PLCB4: variants seen among roughly 807,000 people sequenced by gnomAD.
PLCB4 encodes the protein phospholipase C beta 4, also known as 1-phosphatidylinositol 4,5-bisphosphate phosphodiesterase beta-4.
Under a neutral mutation model 178.8 loss-of-function variants are expected in PLCB4, and 77 were observed. That is an observed-to-expected ratio of 0.43 (90% CI 0.36 to 0.52). The LOEUF is 0.52. Among genes scored for constraint, PLCB4 ranks in the 20% least tolerant of loss-of-function variants. The pLI is 0.00. For missense variants in PLCB4, 1,024 were observed against 1,453.4 expected (o/e 0.70, Z 4.80); for synonymous variants, 496 against 490.8 (o/e 1.01, Z -0.14).
chr20:9,428,431 T>C (rs1414388911), intron 28 of PLCB4, among the ~76,000 whole-genome samples: 1 of 152,164 alleles, frequency 6.6e-6, no homozygotes, highest in Admixed American at 6.5e-5. Context: ...AACAGGCTTA[T>C]CTATTGCATG....
chr20:9,325,003 T>C (rs2030215444), intron 4 of PLCB4, among the ~76,000 whole-genome samples: 1 of 152,254 alleles, frequency 6.6e-6, no homozygotes. Flanking sequence ...ATCAATAGTT[T>C]AAAATATTTT....
chr20:9,373,927 TAA>T (rs1183018152), intron 12 of PLCB4, among the ~76,000 whole-genome samples: 4 of 152,162 alleles, frequency 2.6e-5, no homozygotes, highest in Non-Finnish European at 5.9e-5. Context: ...TCTAACACAT[TAA>T]TAAGAGTTTG....
At chr20:9,397,941 G>A (rs892621414) in intron 19 of PLCB4, among the ~76,000 whole-genome samples, 5 of 152,150 alleles carry the variant, frequency 3.3e-5, no homozygotes, top group Non-Finnish European at 2.9e-5. Context: ...TGACATCTGG[G>A]GCTGACTGGT....
At chr20:9,094,009 G>A (rs977354886) in intron 1 of PLCB4, among the ~76,000 whole-genome samples, 1 of 152,024 alleles carries the variant, frequency 6.6e-6, no homozygotes, top group African/African-American at 2.4e-5. Flanking sequence ...ATTTATATCT[G>A]TGGCCCCAAA....
chr20:9,469,055 C>T (rs1307801808), intron 36 of PLCB4, among the ~76,000 whole-genome samples: 1 of 151,672 alleles, frequency 6.6e-6, no homozygotes, highest in African/African-American at 2.4e-5. Flanking sequence ...ACAATCTCAG[C>T]TCACTGCAAC....
intron 4 of PLCB4, among the ~76,000 whole-genome samples, chr20:9,324,508 A>T (rs2030080480): frequency 6.6e-6 from 1 of 152,216 alleles, no homozygotes; most frequent in East Asian, 1.9e-4. Context: ...GGGAAATAAT[A>T]TGAAAAATAC....
chr20:9,463,201 C>A (rs867361461), intron 35 of PLCB4, among the ~76,000 whole-genome samples: 1 of 152,146 alleles, frequency 6.6e-6, no homozygotes, highest in Admixed American at 6.5e-5. Flanking sequence ...AAATCCTTTA[C>A]AGGCAAGCAA....
At chr20:9,227,386 T>C (rs2093880164) in intron 3 of PLCB4, among the ~76,000 whole-genome samples, 1 of 152,174 alleles carries the variant, frequency 6.6e-6, no homozygotes, top group African/African-American at 2.4e-5. Flanking sequence ...TTTGTTGTTA[T>C]ATTTAAGAAT....
At chr20:9,213,116 T>G (rs896111423) in intron 2 of PLCB4, among the ~76,000 whole-genome samples, 1 of 133,350 alleles carries the variant, frequency 7.5e-6, no homozygotes, top group Admixed American at 7.3e-5. Context: ...TTGGCTTCTC[T>G]CCGTTAGCAT....
At chr20:9,428,029 A>G (rs1470739159) in intron 28 of PLCB4, among the ~76,000 whole-genome samples, 2 of 152,134 alleles carry the variant, frequency 1.3e-5, no homozygotes, top group Non-Finnish European at 2.9e-5. Flanking sequence ...CTTCCCTATG[A>G]TTAAAAATAC....
At chr20:9,175,464 G>A (rs954877119) in intron 2 of PLCB4, among the ~76,000 whole-genome samples, 2 of 152,094 alleles carry the variant, frequency 1.3e-5, no homozygotes, top group Non-Finnish European at 2.9e-5. Context: ...TTTCACCATG[G>A]AAAGAATAAT....
At chr20:9,260,203 A>C (rs780698114) in intron 3 of PLCB4, among the ~76,000 whole-genome samples, 35 of 152,156 alleles carry the variant, frequency 2.3e-4, no homozygotes, top group Non-Finnish European at 4.4e-4. Context: ...GAGGAATACT[A>C]TGACAACAAA....
Position 9,372,217 on chromosome 20 carries a change from T to C in PLCB4, c.586-86T>C, listed in dbSNP as rs561177679. 12 of 744,168 alleles carry C rather than the reference T, an allele frequency of 1.6e-5. 1 individual carries two copies. The East Asian group carries it at 3.1e-4, about 19-fold the overall frequency. The allele number at this position is 744,168 out of a possible 1,614,324, so 46.1% of individuals were successfully genotyped here. ...ATGAAGACCCTGAGTCCAAGTGGTC[T>C]TCACTGTGCTTCATGACCCTGTAGC... On this transcript the variant is annotated intron_variant, in intron 10 of 39. Coordinates refer to ENST00000378473, the MANE Select transcript of PLCB4 (RefSeq NM_001377142.1).
intron 29 of PLCB4, among the ~76,000 whole-genome samples, chr20:9,436,618 C>T (rs56110237): frequency 3.3e-5 from 5 of 152,312 alleles, no homozygotes; most frequent in Non-Finnish European, 7.3e-5. Context: ...CCTGCCAAAG[C>T]ATTGAAATTA....
At chr20:9,076,166 C>G (rs1217585292) in intron 1 of PLCB4, among the ~76,000 whole-genome samples, 1 of 151,980 alleles carries the variant, frequency 6.6e-6, no homozygotes, top group African/African-American at 2.4e-5. Context: ...CATGGTGCTC[C>G]TTTAAAATAA....
intron 24 of PLCB4, among the ~76,000 whole-genome samples, chr20:9,410,083 C>T (rs920979504): frequency 4.6e-5 from 7 of 152,214 alleles, no homozygotes; most frequent in Admixed American, 3.9e-4. Flanking sequence ...CCTGTCACTT[C>T]GTTCCCTGCT....
chr20:9,331,846 G>T (rs1255323488), intron 4 of PLCB4, among the ~76,000 whole-genome samples: 3 of 152,068 alleles, frequency 2.0e-5, no homozygotes, highest in South Asian at 4.2e-4. Flanking sequence ...CTCAGAGTGG[G>T]GATCTCTGAG....
chr20:9,432,164 C>G (rs911139224), intron 28 of PLCB4, among the ~76,000 whole-genome samples: 4 of 152,060 alleles, frequency 2.6e-5, no homozygotes, highest in Non-Finnish European at 5.9e-5. Context: ...TATATAACTT[C>G]TAATAAACCA....
At chr20:9,296,390 A>G (rs2094635324) in intron 3 of PLCB4, among the ~76,000 whole-genome samples, 2 of 152,212 alleles carry the variant, frequency 1.3e-5, no homozygotes, top group Admixed American at 6.5e-5. Flanking sequence ...GAGAAATAGG[A>G]ACACTTTTAC....
Sources: allele counts gnomAD v4.1 joint callset (sites outside exome capture counted in the v4.1 genomes callset), GRCh38; gene constraint gnomAD v4.1.1; transcripts MANE v1.5; gene names NCBI Gene and HGNC (gene_info 2026-07-23, HGNC 2026-07-21).